SRBD1: variants seen among roughly 807,000 people sequenced by gnomAD.
The protein encoded by SRBD1 is S1 RNA binding domain 1, also known as S1 RNA-binding domain-containing protein 1.
SRBD1 carries 88 observed loss-of-function variants against 115.3 expected under a neutral mutation model. The observed-to-expected ratio is 0.76, with a 90% CI of 0.64 to 0.91. The LOEUF (loss-of-function observed/expected upper bound fraction) is 0.91. Among genes scored for constraint, SRBD1 ranks in the 40% least tolerant of loss-of-function variants. The probability of loss-of-function intolerance (pLI) is 0.00; values close to 1 mark genes in which losing one functional copy is unlikely to be tolerated. For missense variants in SRBD1, 1,385 were observed against 1,177.4 expected (o/e 1.18, Z -2.58); for synonymous variants, 509 against 407.7 (o/e 1.25, Z -2.99).
At chr2:45,493,887 C>A in intron 14 of SRBD1, among the ~76,000 whole-genome samples, 1 of 151,622 alleles carries the variant, frequency 6.6e-6, no homozygotes, top group Non-Finnish European at 1.5e-5. Flanking sequence ...GAATCATGTC[C>A]CGTCAAAGAC....
chr2:45,587,072 T>C (rs1172103284), intron 4 of SRBD1, among the ~76,000 whole-genome samples: 1 of 136,236 alleles, frequency 7.3e-6, no homozygotes, highest in Non-Finnish European at 1.5e-5. Context: ...ATTATAAATA[T>C]TAAAATATTT....
chr2:45,457,895 T>C (rs1446371308), intron 16 of SRBD1, among the ~76,000 whole-genome samples: 2 of 152,162 alleles, frequency 1.3e-5, no homozygotes, highest in South Asian at 2.1e-4. Context: ...CAAATGAGAA[T>C]AGAAACTATA....
Position 45,487,453 on chromosome 2 carries a change from T to G in SRBD1, c.1966+787A>C, listed in dbSNP as rs529167520. ...AAAGCAAGCTGTTTTAAGCAAAACA[T>G]GATCAAATGACAACTCTATTAGCAA... On this transcript the variant is annotated intron_variant, in intron 15 of 20. Transcript: ENST00000263736. Among the ~76,000 whole-genome samples, 11 of 152,310 alleles carry G rather than the reference T, an allele frequency of 7.2e-5. No individual in the cohort carries two copies. The East Asian group carries it at 2.1e-3, about 29-fold the overall frequency.
rs1364704506 is a variant in SRBD1, at chr2:45,419,675, G to A, written c.2156+113C>T. 2.8e-5 allele frequency: 23 copies of A among 809,990 alleles called. No individual in the cohort carries two copies. The Admixed American group carries it at 3.9e-4, about 14-fold the overall frequency. 50.2% of individuals were successfully genotyped at this position (809,990 alleles called of 1,614,324 possible). On this transcript the variant is annotated intron_variant, in intron 17 of 20. Coordinates refer to ENST00000263736, the MANE Select transcript of SRBD1 (RefSeq NM_018079.5). ...ACTTAAAGCAATGTATAAACCCATA[G>A]ACGTTCTCTACTTGACAACTTTATA...
At chr2:45,599,913 G>A in intron 3 of SRBD1, 78 bp from the exon 4 acceptor site, 3 of 1,439,444 alleles carry the variant, frequency 2.1e-6, no homozygotes, top group Non-Finnish European at 1.8e-6. Flanking sequence ...ACAAATAAAA[G>A]TGAACAAATT....
chr2:45,390,082 T>G (rs1215672274), intron 20 of SRBD1, among the ~76,000 whole-genome samples: 1 of 152,176 alleles, frequency 6.6e-6, no homozygotes, highest in African/African-American at 2.4e-5. Flanking sequence ...GAAATTCAAA[T>G]GTTCTTTCTT....
intron 14 of SRBD1, among the ~76,000 whole-genome samples, chr2:45,532,364 G>A (rs1360255882): frequency 1.3e-5 from 2 of 151,804 alleles, no homozygotes; most frequent in Admixed American, 6.6e-5. Context: ...TATCTTTCAT[G>A]TACCTCTTTC....
At chr2:45,478,683 A>G (rs890231269) in intron 15 of SRBD1, among the ~76,000 whole-genome samples, 1 of 152,222 alleles carries the variant, frequency 6.6e-6, no homozygotes, top group Non-Finnish European at 1.5e-5. Flanking sequence ...TCTAAAGCAA[A>G]TATTATTTCT....
chr2:45,514,664 C>T (rs1027075121), intron 14 of SRBD1, among the ~76,000 whole-genome samples: 10 of 151,988 alleles, frequency 6.6e-5, no homozygotes, highest in African/African-American at 1.9e-4. Flanking sequence ...GGGATGGCGG[C>T]GGGGAGGGTA....
At chr2:45,556,781 G>T (rs1672492205) in intron 10 of SRBD1, among the ~76,000 whole-genome samples, 1 of 151,944 alleles carries the variant, frequency 6.6e-6, no homozygotes, top group African/African-American at 2.4e-5. Flanking sequence ...TGTTCATGGT[G>T]GATTTACTTA....
chr2:45,589,657 A>C (rs948821349), intron 4 of SRBD1, among the ~76,000 whole-genome samples: 1 of 152,186 alleles, frequency 6.6e-6, no homozygotes, highest in Non-Finnish European at 1.5e-5. Context: ...ATGTTATGGG[A>C]GTGTACAGTG....
intron 14 of SRBD1, among the ~76,000 whole-genome samples, chr2:45,500,228 CTGTGTGTG>C (rs60622580): frequency 2.0e-5 from 3 of 146,558 alleles, no homozygotes; most frequent in African/African-American, 5.1e-5. Flanking sequence ...TAAATTTATC[CTGTGTGTG>C]TGTGTGTGTG....
intron 14 of SRBD1, among the ~76,000 whole-genome samples, chr2:45,539,791 T>G (rs1054007462): frequency 4.6e-5 from 7 of 152,030 alleles, no homozygotes; most frequent in African/African-American, 1.7e-4. Flanking sequence ...TCCCACAAAG[T>G]TCCACCAAAA....
chr2:45,587,212 A>G (rs1673576362), intron 4 of SRBD1, among the ~76,000 whole-genome samples: 1 of 145,674 alleles, frequency 6.9e-6, no homozygotes, highest in African/African-American at 2.5e-5. Context: ...ATTATTTTAA[A>G]ATATTATAAA....
intron 4 of SRBD1, among the ~76,000 whole-genome samples, chr2:45,588,485 G>A (rs911931654): frequency 1.3e-5 from 2 of 152,108 alleles, no homozygotes; most frequent in African/African-American, 2.4e-5. Context: ...ACCTTTTCCT[G>A]TTTCCTGTTC....
chr2:45,463,875 A>C, intron 16 of SRBD1, among the ~76,000 whole-genome samples: 1 of 152,324 alleles, frequency 6.6e-6, no homozygotes, highest in Non-Finnish European at 1.5e-5. Flanking sequence ...TGTATCAAAC[A>C]AAGATAAAAT....
At chr2:45,460,010 C>T (rs768216896) in intron 16 of SRBD1, among the ~76,000 whole-genome samples, 1 of 152,164 alleles carries the variant, frequency 6.6e-6, no homozygotes, top group Non-Finnish European at 1.5e-5. Context: ...TAGTTATGTG[C>T]CCAAGGTATG....
At chr2:45,573,424 A>C in intron 8 of SRBD1, 82 bp from the exon 9 acceptor site, 1 of 1,466,816 alleles carries the variant, frequency 6.8e-7, no homozygotes, top group Non-Finnish European at 9.0e-7. Flanking sequence ...TAAGGATAGC[A>C]AAAAAAGTTA....
At chr2:45,517,578 G>A (rs1487629520) in intron 14 of SRBD1, among the ~76,000 whole-genome samples, 2 of 152,210 alleles carry the variant, frequency 1.3e-5, no homozygotes, top group African/African-American at 4.8e-5. Context: ...TTAATCCTAA[G>A]TAAAAGTTAA....
Sources: allele counts gnomAD v4.1 joint callset (sites outside exome capture counted in the v4.1 genomes callset), GRCh38; gene constraint gnomAD v4.1.1; transcripts MANE v1.5; gene names NCBI Gene and HGNC (gene_info 2026-07-23, HGNC 2026-07-21).